Variants in ZNF521 observed in about 807,000 individuals in gnomAD.
ZNF521 encodes the protein LYST-interacting protein 3.
ZNF521 carries 14 observed loss-of-function variants against 105.5 expected under a neutral mutation model. The ratio of observed to expected loss-of-function variants is 0.13; its 90% confidence interval spans 0.09 to 0.21. The LOEUF is 0.21. Ranked by LOEUF, ZNF521 falls within the 10% of genes least tolerant of loss-of-function variation. ZNF521 has a pLI of 1.00. For synonymous variants in ZNF521, 635 were observed against 606.0 expected, an observed-to-expected ratio of 1.05 and a Z score of -0.70; for missense variants, 1,233 against 1,629.7, an observed-to-expected ratio of 0.76 and a Z score of 4.19.
At chr18:25,072,372 G>T (rs1336577564) in intron 7 of ZNF521, among the ~76,000 whole-genome samples, 1 of 152,182 alleles carries the variant, frequency 6.6e-6, no homozygotes, top group African/African-American at 2.4e-5. Context: ...CGTGGGAAAT[G>T]TTAACATCGT....
At chr18:25,096,173 C>T (rs571987817) in intron 5 of ZNF521, among the ~76,000 whole-genome samples, 4 of 152,276 alleles carry the variant, frequency 2.6e-5, no homozygotes, top group East Asian at 1.9e-4. Flanking sequence ...GAGACTGATG[C>T]TAATGTAAAT....
chr18:25,277,182 C>CAA (rs34657167), intron 3 of ZNF521, among the ~76,000 whole-genome samples: 99 of 82,486 alleles, frequency 1.2e-3, no homozygotes, highest in African/African-American at 3.3e-3. Context: ...GACTCCGTCT[C>CAA]AAAAAAAAAA....
intron 5 of ZNF521, among the ~76,000 whole-genome samples, chr18:25,148,283 A>G (rs1399427969): frequency 1.3e-5 from 2 of 152,228 alleles, no homozygotes; most frequent in Non-Finnish European, 2.9e-5. Flanking sequence ...GGACTTATTT[A>G]TGCCATTCTT....
At chr18:25,173,035 A>T (rs2035474993) in intron 5 of ZNF521, among the ~76,000 whole-genome samples, 1 of 152,246 alleles carries the variant, frequency 6.6e-6, no homozygotes, top group African/African-American at 2.4e-5. Context: ...CTCTTGTCGC[A>T]AAGTATTCTA....
intron 5 of ZNF521, among the ~76,000 whole-genome samples, chr18:25,116,925 A>ATATATG (rs2034324871): frequency 7.0e-6 from 1 of 142,114 alleles, no homozygotes; most frequent in Non-Finnish European, 1.5e-5. Context: ...ATATCTATGT[A>ATATATG]TATATATACG....
chr18:25,148,619 C>A (rs543794132), intron 5 of ZNF521, among the ~76,000 whole-genome samples: 5 of 152,166 alleles, frequency 3.3e-5, no homozygotes, highest in Admixed American at 2.0e-4. Context: ...TTTCCAGATA[C>A]CCTGAACCTG....
chr18:25,121,940 G>A (rs535920978), intron 5 of ZNF521, among the ~76,000 whole-genome samples: 1 of 152,000 alleles, frequency 6.6e-6, no homozygotes, highest in East Asian at 1.9e-4. Context: ...CACCAAACAC[G>A]TAAAGAAGCA....
At chr18:25,261,067 A>C (rs1221975557) in intron 3 of ZNF521, among the ~76,000 whole-genome samples, 1 of 152,084 alleles carries the variant, frequency 6.6e-6, no homozygotes, top group Admixed American at 6.5e-5. Flanking sequence ...GCAGTGCTAC[A>C]GTGAGGTGGT....
In ZNF521 at chr18:25,307,083, A is replaced by G. The variant is rs528355200; in HGVS notation, c.220+14925T>C. 3.3e-5 allele frequency among the ~76,000 whole-genome samples: 5 copies of G among 152,306 alleles called. No individual in the cohort carries two copies. The East Asian group carries it at 9.7e-4, about 29-fold the overall frequency. ...TCAGAGACACAACTAATCAATTACT[A>G]CATCTGAATGACTTTACCTCCTAGA... On this transcript the variant is annotated intron_variant, in intron 3 of 7. Coordinates refer to ENST00000361524, the MANE Select transcript of ZNF521 (RefSeq NM_015461.3).
At chr18:25,208,787 C>A (rs749695588) in intron 4 of ZNF521, among the ~76,000 whole-genome samples, 2 of 152,236 alleles carry the variant, frequency 1.3e-5, no homozygotes, top group East Asian at 3.8e-4. Context: ...TTATTCCCCA[C>A]ACCCACCTCA....
chr18:25,189,677 A>G (rs1290495735), intron 5 of ZNF521, among the ~76,000 whole-genome samples: 1 of 152,152 alleles, frequency 6.6e-6, no homozygotes, highest in Non-Finnish European at 1.5e-5. Flanking sequence ...CCCACACTCC[A>G]TTTTATCCTT....
At chr18:25,280,242 T>C (rs1910279788) in intron 3 of ZNF521, among the ~76,000 whole-genome samples, 1 of 152,154 alleles carries the variant, frequency 6.6e-6, no homozygotes, top group Non-Finnish European at 1.5e-5. Flanking sequence ...ATGCCTCAAA[T>C]GTCTACACAT....
At chr18:25,098,914 A>C (rs1364177054) in intron 5 of ZNF521, among the ~76,000 whole-genome samples, 4 of 152,154 alleles carry the variant, frequency 2.6e-5, no homozygotes, top group African/African-American at 9.7e-5. Context: ...TTTCCATTTC[A>C]CATAACAGAC....
In ZNF521 at chr18:25,062,020, G is replaced by C. The variant is rs934774178; in HGVS notation, c.*692C>G. The C allele has an allele frequency of 5.2e-6, 1 of 191,808 alleles. No homozygotes were observed. The highest frequency in any genetic ancestry group is 1.1e-5 in the Non-Finnish European group (1 of 91,816). The allele number at this position is 191,808 out of a possible 1,614,324, so 11.9% of individuals were successfully genotyped here. A position where few individuals can be genotyped will look rare whatever the true frequency, so the allele number is the denominator to read the frequency against. On this transcript the variant is annotated 3_prime_UTR_variant, in exon 8 of 8. Coordinates refer to ENST00000361524, the MANE Select transcript of ZNF521 (RefSeq NM_015461.3). ...AAACATTAATAACAGTAACATACAG[G>C]TTAGTTCAACTGATTCAAGAATTTG...
chr18:25,162,870 T>C (rs975574435), intron 5 of ZNF521, among the ~76,000 whole-genome samples: 14 of 152,222 alleles, frequency 9.2e-5, no homozygotes, highest in Non-Finnish European at 1.8e-4. Flanking sequence ...GTTAGATTTT[T>C]TTTTTGTCTG....
At chr18:25,299,959 G>A (rs1387487908) in intron 3 of ZNF521, among the ~76,000 whole-genome samples, 2 of 152,160 alleles carry the variant, frequency 1.3e-5, no homozygotes, top group African/African-American at 4.8e-5. Context: ...AAGAAGTGGA[G>A]TTTATTTCCC....
chr18:25,233,982 C>T (rs1435538373), intron 3 of ZNF521, among the ~76,000 whole-genome samples: 1 of 152,184 alleles, frequency 6.6e-6, no homozygotes, highest in Non-Finnish European at 1.5e-5. Context: ...TCACACTTAA[C>T]TCCACCTCTC....
chr18:25,290,783 G>A (rs989456225), intron 3 of ZNF521, among the ~76,000 whole-genome samples: 1 of 151,670 alleles, frequency 6.6e-6, no homozygotes, highest in Non-Finnish European at 1.5e-5. Flanking sequence ...GCTAATTTTT[G>A]TATTTTTAGT....
intron 1 of ZNF521, 152 bp from the exon 2 acceptor site, chr18:25,351,099 G>A (rs1337672853): frequency 3.6e-5 from 12 of 332,566 alleles, no homozygotes; most frequent in African/African-American, 1.8e-4. Flanking sequence ...CTCCGGCTCC[G>A]GCTCGCGCTC....
Sources: allele counts gnomAD v4.1 joint callset (sites outside exome capture counted in the v4.1 genomes callset), GRCh38; gene constraint gnomAD v4.1.1; transcripts MANE v1.5; gene names NCBI Gene and HGNC (gene_info 2026-07-23, HGNC 2026-07-21).